The following NDUFAF6 variants were observed in gnomAD, a reference collection of about 807,000 sequenced individuals.
NDUFAF6 encodes NADH dehydrogenase (ubiquinone) complex I, assembly factor 6.
Under a neutral mutation model 40.8 loss-of-function variants are expected in NDUFAF6, and 45 were observed. That is an observed-to-expected ratio of 1.10 (90% CI 0.87 to 1.42). NDUFAF6 has a LOEUF of 1.42. Among genes scored for constraint, NDUFAF6 ranks in the 40% most tolerant of loss-of-function variants. The pLI is 0.00. For synonymous variants in NDUFAF6, 185 were observed against 155.9 expected (o/e 1.19, Z -1.39); for missense variants, 435 against 418.5 (o/e 1.04, Z -0.34).
At position 95,064,607 on chromosome 8, in the gene NDUFAF6, C is replaced by T. The variant is rs139291363; in HGVS notation, c.*512-11026C>T. On this transcript the variant is annotated intron_variant and NMD_transcript_variant, in intron 9 of 9. Transcript: ENST00000520757. Reference sequence around the variant, plus strand: ...ATTTCTGGCTCATAACTCCCATAGCCCTTGTTACAGTCTTTTGTTATAATG... The same window carrying T: ...ATTTCTGGCTCATAACTCCCATAGCTCTTGTTACAGTCTTTTGTTATAATG... 7.2e-3 allele frequency among the ~76,000 whole-genome samples: 1,094 copies of T among 151,968 alleles called. 14 individuals carry two copies. The highest frequency in any genetic ancestry group is 0.025 in the African/African-American group (1,035 of 41,440).
chr8:95,050,019 G>A (rs1831252653), intron 7 of NDUFAF6, among the ~76,000 whole-genome samples: 1 of 152,184 alleles, frequency 6.6e-6, no homozygotes, highest in Admixed American at 6.5e-5. Context: ...ATATCTAACA[G>A]TTCTCGGCCC....
chr8:95,045,522 T>C, intron 4 of NDUFAF6, 23 bp from the exon 5 acceptor site: 4 of 1,551,000 alleles, frequency 2.6e-6, no homozygotes, highest in Non-Finnish European at 3.6e-6. Flanking sequence ...CAACAGACTT[T>C]ATTTGCATTT....
upstream of NDUFAF6, among the ~76,000 whole-genome samples, chr8:95,022,457 G>A (rs952894906): frequency 6.6e-6 from 1 of 151,586 alleles, no homozygotes; most frequent in Non-Finnish European, 1.5e-5. Context: ...ATATGCATGA[G>A]TTTATTCTGT....
intron 1 of NDUFAF6, among the ~76,000 whole-genome samples, chr8:94,972,450 G>A (rs1824546378): frequency 6.6e-6 from 1 of 152,002 alleles, no homozygotes; most frequent in East Asian, 1.9e-4. Context: ...TGTTGGTCAG[G>A]CTGGTCTCTA....
downstream of NDUFAF6, among the ~76,000 whole-genome samples, chr8:95,059,415 TAATA>T (rs1832509494): frequency 6.6e-6 from 1 of 152,160 alleles, no homozygotes; most frequent in African/African-American, 2.4e-5. Flanking sequence ...AAGTAGAGAT[TAATA>T]AATATATAGT....
chr8:94,933,900 G>A lies in NDUFAF6; in HGVS notation c.-935-11583G>A, dbSNP rs1369482124. On this transcript the variant is annotated intron_variant, in intron 1 of 14. Coordinates refer to the NDUFAF6 transcript ENST00000396113. Reference sequence around the variant, plus strand: ...AGCCTGGCCAACATGGTGAAGCCCCGTCTCTACTAAAAATGCAAAAATTAG... The same window carrying A: ...AGCCTGGCCAACATGGTGAAGCCCCATCTCTACTAAAAATGCAAAAATTAG... 3.6e-5 allele frequency among the ~76,000 whole-genome samples: 5 copies of A among 139,638 alleles called. No homozygotes were observed. In the East Asian group the frequency reaches 6.4e-4, roughly 18 times the overall value. 91.6% of individuals were successfully genotyped at this position (139,638 alleles called of 152,430 possible).
upstream of NDUFAF6, among the ~76,000 whole-genome samples, chr8:94,953,288 A>G (rs1586786858): frequency 6.6e-6 from 1 of 151,904 alleles, no homozygotes; most frequent in Non-Finnish European, 1.5e-5. Context: ...CGGAGGTTGC[A>G]TGAGCCGAGA....
At chr8:94,954,923 C>T (rs1426736862), upstream of NDUFAF6, among the ~76,000 whole-genome samples, 1 of 152,196 alleles carries the variant, frequency 6.6e-6, no homozygotes, top group Non-Finnish European at 1.5e-5. Flanking sequence ...GCCCTGAGAA[C>T]AGGTCTCACA....
chr8:95,032,166 G>C, intron 2 of NDUFAF6, 72 bp downstream of exon 2: 1 of 1,257,006 alleles, frequency 8.0e-7, no homozygotes. Context: ...GAACAATAAA[G>C]AAATATAGTT....
intron 1 of NDUFAF6, among the ~76,000 whole-genome samples, chr8:94,913,704 T>G (rs1479374551): frequency 6.6e-6 from 1 of 152,202 alleles, no homozygotes; most frequent in East Asian, 1.9e-4. Context: ...GAGGCTAAGG[T>G]GGGAAGATTG....
downstream of NDUFAF6, among the ~76,000 whole-genome samples, chr8:95,077,449 G>A (rs967631690): frequency 6.6e-6 from 1 of 152,194 alleles, no homozygotes; most frequent in South Asian, 2.1e-4. Flanking sequence ...CACTAACTAA[G>A]TGACTAAGGG....
chr8:95,025,784 C>T lies in NDUFAF6; in HGVS notation c.197+579C>T, dbSNP rs542070239. On this transcript the variant is annotated intron_variant, in intron 1 of 8. Coordinates refer to ENST00000396124, the MANE Select transcript of NDUFAF6 (RefSeq NM_152416.4). ...ATTTGCCACAGGTTCACAAGAATAG[C>T]CTCATAAAGTCAGAGCCCTGAAGTG... Among the ~76,000 whole-genome samples, 115 of 152,308 alleles carry T rather than the reference C, an allele frequency of 7.6e-4. No homozygotes were observed. In the Middle Eastern group the frequency reaches 0.01, roughly 14 times the overall value.
At chr8:95,095,470 C>G (rs1328998209), upstream of NDUFAF6, among the ~76,000 whole-genome samples, 1 of 152,090 alleles carries the variant, frequency 6.6e-6, no homozygotes. Flanking sequence ...ACCCTGAACC[C>G]CAGGGTGGAG....
chr8:95,039,976 A>C (rs569397876), intron 3 of NDUFAF6, among the ~76,000 whole-genome samples: 1 of 152,232 alleles, frequency 6.6e-6, no homozygotes. Flanking sequence ...GAACAATTTC[A>C]TCTAATTTTC....
At chr8:95,101,798 C>T (rs1809659304) in intron 2 of NDUFAF6, among the ~76,000 whole-genome samples, 1 of 151,992 alleles carries the variant, frequency 6.6e-6, no homozygotes, top group African/African-American at 2.4e-5. Context: ...CTCAAAATGA[C>T]TCGAGTAAAG....
chr8:94,979,109 C>T (rs1249442484), intron 1 of NDUFAF6, among the ~76,000 whole-genome samples: 1 of 152,166 alleles, frequency 6.6e-6, no homozygotes, highest in Non-Finnish European at 1.5e-5. Context: ...TAGCATGCGG[C>T]TAAAACTGAG....
chr8:95,053,225 G>A (rs184198998), intron 8 of NDUFAF6, among the ~76,000 whole-genome samples: 2 of 151,984 alleles, frequency 1.3e-5, no homozygotes, highest in African/African-American at 4.8e-5. Flanking sequence ...TTAAATTTTC[G>A]TAGTGTAAGA....
intron 1 of NDUFAF6, among the ~76,000 whole-genome samples, chr8:94,967,483 GATA>G: frequency 6.6e-6 from 1 of 152,272 alleles, no homozygotes; most frequent in South Asian, 2.1e-4. Flanking sequence ...AGGTGCCAGA[GATA>G]ATGACAGAGA....
intron 1 of NDUFAF6, among the ~76,000 whole-genome samples, chr8:94,923,309 T>C (rs1208497174): frequency 2.0e-5 from 3 of 152,202 alleles, no homozygotes; most frequent in East Asian, 1.9e-4. Flanking sequence ...ACAGAACCTT[T>C]TGGATGATAG....
Sources: gnomAD v4.1 joint callset for allele counts (sites outside exome capture counted in the v4.1 genomes callset) on GRCh38, gnomAD v4.1.1 for gene constraint, MANE v1.5 for transcripts, NCBI Gene and HGNC (gene_info 2026-07-23, HGNC 2026-07-21) for gene names.